The following CRY1 variants were observed in gnomAD, a reference collection of about 807,000 sequenced individuals.
The protein encoded by CRY1 is cryptochrome circadian regulator 1.
In CRY1, 45 loss-of-function variants were observed where a neutral mutation model predicts 76.0. The ratio of observed to expected loss-of-function variants is 0.59; its 90% confidence interval spans 0.47 to 0.76. The LOEUF is 0.76. CRY1 is among the 30% of genes least tolerant of loss of function. The pLI, the probability that CRY1 is intolerant of heterozygous loss-of-function variation, is 0.00. For synonymous variants in CRY1, 248 were observed against 244.0 expected (o/e 1.02, Z -0.15); for missense variants, 587 against 716.4 (o/e 0.82, Z 2.06).
intron 1 of CRY1, among the ~76,000 whole-genome samples, chr12:107,062,049 A>G (rs1386702780): frequency 1.3e-5 from 2 of 150,926 alleles, no homozygotes; most frequent in East Asian, 1.9e-4. Context: ...AAAAAAGAAA[A>G]AAAGAAAAAA....
intron 1 of CRY1, among the ~76,000 whole-genome samples, chr12:107,032,893 C>T (rs1311572438): frequency 6.6e-6 from 1 of 151,874 alleles, no homozygotes; most frequent in East Asian, 1.9e-4. Context: ...TCCTTAAAAA[C>T]TAAAAAGAAG....
At chr12:107,044,991 G>C (rs888471943) in intron 1 of CRY1, among the ~76,000 whole-genome samples, 1 of 152,088 alleles carries the variant, frequency 6.6e-6, no homozygotes, top group Non-Finnish European at 1.5e-5. Context: ...CTCAAGTCTG[G>C]GGAGAAATAT....
chr12:107,004,707 C>T (rs1952350420), intron 3 of CRY1, among the ~76,000 whole-genome samples: 1 of 152,062 alleles, frequency 6.6e-6, no homozygotes, highest in Non-Finnish European at 1.5e-5. Flanking sequence ...AATAAGATAA[C>T]ATTAAACAAG....
intron 2 of CRY1, among the ~76,000 whole-genome samples, chr12:107,013,468 T>C (rs1359842124): frequency 6.6e-6 from 1 of 152,220 alleles, no homozygotes; most frequent in Non-Finnish European, 1.5e-5. Flanking sequence ...CTTTTATACA[T>C]ATGCATTGGA....
At chr12:106,999,476 C>T (rs1013555015) in intron 7 of CRY1, 75 bp downstream of exon 7, 1 of 1,376,274 alleles carries the variant, frequency 7.3e-7, no homozygotes, top group African/African-American at 1.4e-5. Flanking sequence ...TATAAACAGA[C>T]AACTTCTAGG....
chr12:107,000,850 A>G (rs1308212694), intron 5 of CRY1, among the ~76,000 whole-genome samples: 4 of 152,032 alleles, frequency 2.6e-5, no homozygotes, highest in Non-Finnish European at 5.9e-5. Context: ...GGGTTTTGCC[A>G]TGTTGGCCAG....
At chr12:107,007,737 C>T (rs1952391522) in intron 2 of CRY1, among the ~76,000 whole-genome samples, 1 of 152,032 alleles carries the variant, frequency 6.6e-6, no homozygotes, top group Admixed American at 6.6e-5. Flanking sequence ...ACTGTATTGC[C>T]CAAGCTAGTC....
At chr12:107,010,657 T>C (rs959544270) in intron 2 of CRY1, among the ~76,000 whole-genome samples, 3 of 152,108 alleles carry the variant, frequency 2.0e-5, no homozygotes, top group Admixed American at 6.5e-5. Context: ...TCACCCAGGC[T>C]GGTCTTGAAC....
At chr12:107,061,484 A>G (rs1953046263) in intron 1 of CRY1, among the ~76,000 whole-genome samples, 1 of 151,820 alleles carries the variant, frequency 6.6e-6, no homozygotes, top group African/African-American at 2.4e-5. Context: ...GGTTCAAGCA[A>G]TTCTCCTGCC....
intron 1 of CRY1, among the ~76,000 whole-genome samples, chr12:107,036,936 C>A (rs1327606227): frequency 6.6e-6 from 1 of 152,104 alleles, no homozygotes; most frequent in Non-Finnish European, 1.5e-5. Context: ...CATTCCTGAG[C>A]CCCCTTCCTT....
At position 107,068,457 on chromosome 12, in the gene CRY1, C is replaced by T. The variant is rs568058133; in HGVS notation, c.158+24347G>A. On this transcript the variant is annotated intron_variant, in intron 1 of 12. Transcript: ENST00000008527. ...ACTACAGGTATGTGCCACCATGCCCCGCTAATTTTTGTATTTTTTTTGGAG... is the reference window on the plus strand; with the variant it reads ...ACTACAGGTATGTGCCACCATGCCCTGCTAATTTTTGTATTTTTTTTGGAG... Among the ~76,000 whole-genome samples the T allele has an allele frequency of 1.6e-3, 245 of 152,002 alleles. 1 individual carries two copies. Among genetic ancestry groups the T allele is most frequent in the Admixed American group, 2.6e-3 (40 of 15,252 alleles).
intron 8 of CRY1, 107 bp from the exon 9 acceptor site, chr12:106,997,797 T>C (rs1011494233): frequency 7.8e-6 from 12 of 1,531,158 alleles, no homozygotes; most frequent in African/African-American, 1.4e-5. Flanking sequence ...ATGATCTGTT[T>C]ACCCTTCTCA....
intron 1 of CRY1, among the ~76,000 whole-genome samples, chr12:107,029,312 C>T (rs569719308): frequency 6.6e-5 from 10 of 152,202 alleles, no homozygotes; most frequent in African/African-American, 9.6e-5. Flanking sequence ...GACAACTGGC[C>T]GGACACAGGG....
chr12:106,999,913 A>G, intron 6 of CRY1, 29 bp downstream of exon 6: 1 of 1,591,972 alleles, frequency 6.3e-7, no homozygotes, highest in Non-Finnish European at 8.5e-7. Flanking sequence ...TTAAAGTATT[A>G]AACAATAAGC....
At chr12:107,078,547 C>T (rs2136898146) in intron 1 of CRY1, among the ~76,000 whole-genome samples, 1 of 152,208 alleles carries the variant, frequency 6.6e-6, no homozygotes, top group South Asian at 2.1e-4. Flanking sequence ...TTTTGACTAA[C>T]ATAACTTTTT....
At chr12:107,090,521 G>A (rs1953457991) in intron 1 of CRY1, among the ~76,000 whole-genome samples, 1 of 152,160 alleles carries the variant, frequency 6.6e-6, no homozygotes, top group Non-Finnish European at 1.5e-5. Flanking sequence ...TCAAGGTTCA[G>A]CCCTTGCACC....
chr12:107,083,765 C>A (rs964107959), intron 1 of CRY1, among the ~76,000 whole-genome samples: 2 of 152,142 alleles, frequency 1.3e-5, no homozygotes, highest in Admixed American at 6.6e-5. Flanking sequence ...GGAAGCATTC[C>A]CATTGAAAAC....
At chr12:107,009,559 A>C (rs1222148799) in intron 2 of CRY1, among the ~76,000 whole-genome samples, 895 of 63,928 alleles carry the variant, frequency 0.014, 33 homozygotes, top group Non-Finnish European at 0.019. Context: ...AAAAAACAAA[A>C]AAACATATAT....
At chr12:107,034,551 C>A (rs1042975404) in intron 1 of CRY1, among the ~76,000 whole-genome samples, 2 of 152,160 alleles carry the variant, frequency 1.3e-5, no homozygotes, top group African/African-American at 2.4e-5. Flanking sequence ...CTCTTAAGGG[C>A]TGAATCAGAA....
Sources: allele counts gnomAD v4.1 joint callset (sites outside exome capture counted in the v4.1 genomes callset), GRCh38; gene constraint gnomAD v4.1.1; transcripts MANE v1.5; gene names NCBI Gene and HGNC (gene_info 2026-07-23, HGNC 2026-07-21).